The following CSGALNACT1 variants were observed in gnomAD, a reference collection of about 807,000 sequenced individuals.
The protein encoded by CSGALNACT1 is beta4GalNAcT-1.
CSGALNACT1 carries 52 observed loss-of-function variants against 51.0 expected under a neutral mutation model. The ratio of observed to expected loss-of-function variants is 1.02; its 90% confidence interval spans 0.82 to 1.29. The LOEUF is 1.29. CSGALNACT1 is among the 50% of genes most tolerant of loss of function. The pLI is 0.00. For missense variants in CSGALNACT1, 935 were observed against 679.2 expected (o/e 1.38, Z -4.19); for synonymous variants, 341 against 254.4 (o/e 1.34, Z -3.24).
At chr8:19,451,183 C>T (rs887265112) in intron 5 of CSGALNACT1, among the ~76,000 whole-genome samples, 1 of 152,056 alleles carries the variant, frequency 6.6e-6, no homozygotes, top group East Asian at 1.9e-4. Flanking sequence ...CTCATCTCAC[C>T]CAACAGATGA....
intron 5 of CSGALNACT1, among the ~76,000 whole-genome samples, chr8:19,441,632 A>G (rs1422696036): frequency 1.3e-5 from 2 of 152,206 alleles, no homozygotes; most frequent in South Asian, 2.1e-4. Flanking sequence ...GAAAACCTAG[A>G]CAATACGATT....
At chr8:19,458,874 T>C (rs570102693) in intron 4 of CSGALNACT1, among the ~76,000 whole-genome samples, 1 of 152,282 alleles carries the variant, frequency 6.6e-6, no homozygotes, top group South Asian at 2.1e-4. Context: ...GGGAAAAAGC[T>C]TGAAATGCTG....
chr8:19,406,106 C>A (rs1407381863), intron 9 of CSGALNACT1, 37 bp from the exon 9 acceptor site: 10 of 1,612,908 alleles, frequency 6.2e-6, no homozygotes, highest in African/African-American at 1.3e-5. Context: ...TCACACTGCA[C>A]TGATCTGTTT....
At chr8:19,695,655 A>C (rs988333574) in intron 1 of CSGALNACT1, among the ~76,000 whole-genome samples, 1 of 152,238 alleles carries the variant, frequency 6.6e-6, no homozygotes, top group Non-Finnish European at 1.5e-5. Flanking sequence ...ATTGGAGTAG[A>C]GATTGTGAAT....
At chr8:19,553,640 A>ATATATATATATATATATAT (rs201836569) in intron 3 of CSGALNACT1, among the ~76,000 whole-genome samples, 2,842 of 116,282 alleles carry the variant, frequency 0.024, 164 homozygotes, top group African/African-American at 0.058. Context: ...TATATATATA[A>ATATATATATATATATATAT]AAAAATATGT....
intron 3 of CSGALNACT1, among the ~76,000 whole-genome samples, chr8:19,545,140 T>A (rs1476565912): frequency 6.6e-6 from 1 of 152,096 alleles, no homozygotes; most frequent in Non-Finnish European, 1.5e-5. Context: ...TTTCCTCCAA[T>A]AAAACTGTTA....
At chr8:19,682,613 G>C (rs976225364), upstream of CSGALNACT1, 1 of 453,856 alleles carries the variant, frequency 2.2e-6, no homozygotes, top group Admixed American at 2.4e-5. Flanking sequence ...TGGGACTTCA[G>C]AGCCCAAAGA....
At chr8:19,497,262 A>T (rs914095485) in intron 4 of CSGALNACT1, among the ~76,000 whole-genome samples, 3 of 152,172 alleles carry the variant, frequency 2.0e-5, no homozygotes, top group African/African-American at 7.2e-5. Flanking sequence ...GTGAGAGAGG[A>T]GAGAAGTACA....
chr8:19,662,814 T>C (rs1236005785), intron 1 of CSGALNACT1, among the ~76,000 whole-genome samples: 1 of 152,150 alleles, frequency 6.6e-6, no homozygotes, highest in African/African-American at 2.4e-5. Flanking sequence ...AGCACACCCA[T>C]CAGCTGGGGC....
intron 4 of CSGALNACT1, among the ~76,000 whole-genome samples, chr8:19,483,747 A>T (rs1554612983): frequency 6.6e-6 from 1 of 152,194 alleles, no homozygotes; most frequent in East Asian, 1.9e-4. Flanking sequence ...CAGCTGGGAA[A>T]CTCTCATTTC....
At position 19,596,290 on chromosome 8, in the gene CSGALNACT1, T is replaced by C. The variant is rs143209659; in HGVS notation, c.-415-5012A>G. Among the ~76,000 whole-genome samples, 33 of 152,244 alleles carry C rather than the reference T, an allele frequency of 2.2e-4. No homozygotes were observed. The East Asian group carries it at 3.7e-3, about 17-fold the overall frequency. Reference sequence around the variant, plus strand: ...CATTCTTTCAGACACCAGTGTGATATTGACAGTTTTAGAGTCATGATTTTC... The same window carrying C: ...CATTCTTTCAGACACCAGTGTGATACTGACAGTTTTAGAGTCATGATTTTC... On this transcript the variant is annotated intron_variant, in intron 2 of 9. Coordinates refer to ENST00000454498, the Ensembl canonical transcript of CSGALNACT1.
chr8:19,664,411 A>G (rs1175273354), intron 1 of CSGALNACT1, among the ~76,000 whole-genome samples: 1 of 152,190 alleles, frequency 6.6e-6, no homozygotes, highest in Non-Finnish European at 1.5e-5. Context: ...TACAGCCTTC[A>G]AGGAAGACAG....
intron 5 of CSGALNACT1, among the ~76,000 whole-genome samples, chr8:19,453,820 G>A (rs367641758): frequency 1.4e-4 from 21 of 151,816 alleles, no homozygotes; most frequent in Admixed American, 1.2e-3. Context: ...GCTGAGGTAC[G>A]AGAAGCACTT....
At chr8:19,443,087 G>A (rs1440739988) in intron 5 of CSGALNACT1, among the ~76,000 whole-genome samples, 1 of 152,090 alleles carries the variant, frequency 6.6e-6, no homozygotes. Flanking sequence ...CCCTCCTGGG[G>A]CCAGACCTCT....
chr8:19,691,244 A>G (rs1002456012), intron 1 of CSGALNACT1, among the ~76,000 whole-genome samples: 1 of 152,226 alleles, frequency 6.6e-6, no homozygotes, highest in Non-Finnish European at 1.5e-5. Context: ...AAAGGGGTCA[A>G]GCTGGGTTCC....
At chr8:19,572,718 G>A (rs2043288354) in intron 3 of CSGALNACT1, among the ~76,000 whole-genome samples, 1 of 152,200 alleles carries the variant, frequency 6.6e-6, no homozygotes. Flanking sequence ...AAATTGGATA[G>A]CAAACGCTAA....
chr8:19,525,915 A>G (rs1341526868), intron 3 of CSGALNACT1, among the ~76,000 whole-genome samples: 2 of 152,124 alleles, frequency 1.3e-5, no homozygotes, highest in Non-Finnish European at 2.9e-5. Context: ...GCTCTGTCCT[A>G]TATAACCGTA....
chr8:19,463,371 A>C (rs764214646), intron 4 of CSGALNACT1, among the ~76,000 whole-genome samples: 1 of 152,156 alleles, frequency 6.6e-6, no homozygotes, highest in South Asian at 2.1e-4. Flanking sequence ...ACAGGCACAC[A>C]TTCCCATCCC....
chr8:19,465,654 C>T (rs1466264026), intron 4 of CSGALNACT1, among the ~76,000 whole-genome samples: 4 of 152,136 alleles, frequency 2.6e-5, no homozygotes, highest in Non-Finnish European at 4.4e-5. Context: ...AATGCAAAGC[C>T]GTCTCTCTTC....
Sources: gnomAD v4.1 joint callset for allele counts (sites outside exome capture counted in the v4.1 genomes callset) on GRCh38, gnomAD v4.1.1 for gene constraint, MANE v1.5 for transcripts, NCBI Gene and HGNC (gene_info 2026-07-23, HGNC 2026-07-21) for gene names.